SGTB: variants seen among roughly 807,000 people sequenced by gnomAD.
SGTB encodes small glutamine rich tetratricopeptide repeat co-chaperone beta, also known as small glutamine-rich tetratricopeptide repeat-containing protein beta.
Under a neutral mutation model 43.9 loss-of-function variants are expected in SGTB, and 19 were observed. The ratio of observed to expected loss-of-function variants is 0.43; its 90% CI spans 0.30 to 0.63. The LOEUF is 0.63. Ranked by LOEUF, SGTB falls within the 30% of genes least tolerant of loss-of-function variation. The pLI, the probability that SGTB is intolerant of heterozygous loss-of-function variation, is 0.12. For missense variants in SGTB, 304 were observed against 358.9 expected (o/e 0.85, Z 1.24); for synonymous variants, 116 against 117.3 (o/e 0.99, Z 0.07).
Position 65,668,740 on chromosome 5 carries a change from A to G in SGTB, c.*1506T>C, listed in dbSNP as rs1757092799. 1 of 105,092 alleles carries G rather than the reference A, an allele frequency of 9.5e-6. No homozygotes were observed. The highest frequency in any genetic ancestry group is 3.7e-5 in the African/African-American group (1 of 27,190). The allele number at this position is 105,092 out of a possible 1,614,324, so 6.5% of individuals were successfully genotyped here. On this transcript the variant is annotated 3_prime_UTR_variant, in exon 11 of 11. Transcript: ENST00000381007. ...TGGCGACAGAGAGAGACTCCATCTC[A>G]AGAAAAAAAAAAAAAAAATTAGCTG... is the stretch of plus-strand genomic sequence containing the variant.
Position 65,670,200 on chromosome 5 carries a change from C to A in SGTB, c.*46G>T, listed in dbSNP as rs1252744264. On this transcript the variant is annotated 3_prime_UTR_variant, in exon 11 of 11. Transcript: ENST00000381007. ...TACTATCTACAACAAATACTTCATT[C>A]ATAGCCATAAACCATTTGTATCTTG... 12 of 1,548,234 alleles carry A rather than the reference C, an allele frequency of 7.8e-6. No individual in the cohort carries two copies. Among genetic ancestry groups the A allele is most frequent in the Non-Finnish European group, 9.8e-6 (11 of 1,122,370 alleles).
chr5:65,722,685 G>T (rs1464855562), upstream of SGTB: 7 of 489,884 alleles, frequency 1.4e-5, no homozygotes, highest in Non-Finnish European at 2.2e-5. Flanking sequence ...TCACAGACGC[G>T]GCCCAAAATG....
Position 65,691,792 on chromosome 5 carries a change from G to A in SGTB, c.375-6320C>T, listed in dbSNP as rs192567188. On this transcript the variant is annotated intron_variant, in intron 5 of 10. Transcript: ENST00000381007. ...AAAATACAAAAAAAATTAGCCGGGCGTGGTGGCGGGCGCCTGTAGTCCCAG... is the reference window on the plus strand; with the variant it reads ...AAAATACAAAAAAAATTAGCCGGGCATGGTGGCGGGCGCCTGTAGTCCCAG... Among the ~76,000 whole-genome samples, 334 of 151,636 alleles carry A rather than the reference G, an allele frequency of 2.2e-3. 3 individuals carry two copies. The highest frequency in any genetic ancestry group is 7.9e-3 in the African/African-American group (329 of 41,480).
intron 6 of SGTB, among the ~76,000 whole-genome samples, chr5:65,682,935 G>A (rs1269111032): frequency 1.3e-5 from 2 of 152,042 alleles, no homozygotes; most frequent in Non-Finnish European, 2.9e-5. Context: ...TCCTGCAACT[G>A]TTGTAAATAG....
Position 65,685,398 on chromosome 5 carries a change from G to C in SGTB, c.449C>G (p.Ser150Ter). ...KDCEKAIAID[S>*]KYSKAYGRMG... Reference sequence around the variant, plus strand: ...TCTCCCATAGGCCTTGCTGTACTTTGAATCAATTGCTATTGCTTTTTCACA... The same window carrying C: ...TCTCCCATAGGCCTTGCTGTACTTTCAATCAATTGCTATTGCTTTTTCACA... The change falls in exon 6 of 11, where the codon TCA becomes TGA. Residue 150 changes from serine (S) to a stop codon, truncating the protein, a stop_gained. Transcript: ENST00000381007. LOFTEE classifies it high-confidence loss of function. 6.2e-7 allele frequency: 1 copy of C among 1,614,140 alleles called. No individual in the cohort carries two copies. The highest frequency in any genetic ancestry group is 8.5e-7 in the Non-Finnish European group (1 of 1,180,010).
At chr5:65,691,008 T>A (rs1757596270) in intron 5 of SGTB, among the ~76,000 whole-genome samples, 1 of 152,160 alleles carries the variant, frequency 6.6e-6, no homozygotes, top group African/African-American at 2.4e-5. Context: ...AGTGGTGTAA[T>A]ATTGGCTTAT....
intron 2 of SGTB, among the ~76,000 whole-genome samples, 186 bp downstream of exon 2, chr5:65,720,522 G>C (rs1204271092): frequency 6.6e-6 from 1 of 152,114 alleles, no homozygotes; most frequent in Non-Finnish European, 1.5e-5. Context: ...CTCTTAATTT[G>C]TTGTTAAAAC....
At chr5:65,684,353 G>T (rs1210164498) in intron 6 of SGTB, among the ~76,000 whole-genome samples, 1 of 152,022 alleles carries the variant, frequency 6.6e-6, no homozygotes, top group Non-Finnish European at 1.5e-5. Context: ...CAAAATGCTG[G>T]GATTACAGGT....
intron 10 of SGTB, 76 bp from the exon 11 acceptor site, chr5:65,670,433 A>G: frequency 8.2e-7 from 1 of 1,225,402 alleles, no homozygotes; most frequent in Non-Finnish European, 1.2e-6. Flanking sequence ...AATGCAGAAA[A>G]TGTAGGAGCT....
At chr5:65,706,719 C>T (rs1441229213) in intron 4 of SGTB, among the ~76,000 whole-genome samples, 1 of 151,964 alleles carries the variant, frequency 6.6e-6, no homozygotes, top group Non-Finnish European at 1.5e-5. Flanking sequence ...GTAGTCCCAG[C>T]TACTCGGGAG....
intron 5 of SGTB, among the ~76,000 whole-genome samples, chr5:65,703,819 C>T (rs945736721): frequency 1.1e-4 from 16 of 152,140 alleles, no homozygotes; most frequent in African/African-American, 3.6e-4. Flanking sequence ...AGGCAGATCA[C>T]GAGGTCAGGG....
chr5:65,720,561 T>C, intron 2 of SGTB, 147 bp downstream of exon 2: 2 of 806,350 alleles, frequency 2.5e-6, no homozygotes, highest in East Asian at 2.9e-5. Flanking sequence ...AAAATGGAAA[T>C]ACGATAACCT....
intron 2 of SGTB, among the ~76,000 whole-genome samples, chr5:65,719,798 C>T (rs776311777): frequency 6.6e-6 from 1 of 152,098 alleles, no homozygotes; most frequent in Admixed American, 6.6e-5. Flanking sequence ...TACAGATTAC[C>T]GAATCCAATA....
intron 8 of SGTB, among the ~76,000 whole-genome samples, chr5:65,674,649 G>A (rs1276513938): frequency 6.6e-6 from 1 of 152,070 alleles, no homozygotes; most frequent in Non-Finnish European, 1.5e-5. Context: ...TTTTTTATGA[G>A]TCACAAAACA....
chr5:65,692,774 T>C (rs1432260259), intron 5 of SGTB, among the ~76,000 whole-genome samples: 1 of 152,220 alleles, frequency 6.6e-6, no homozygotes, highest in East Asian at 1.9e-4. Flanking sequence ...TTTTCTTACA[T>C]GTAAATGGTA....
intron 3 of SGTB, among the ~76,000 whole-genome samples, chr5:65,709,638 A>G (rs1758007496): frequency 6.6e-6 from 1 of 152,244 alleles, no homozygotes; most frequent in South Asian, 2.1e-4. Context: ...CGGCCTCCCA[A>G]AGTGCTGGGA....
intron 2 of SGTB, among the ~76,000 whole-genome samples, chr5:65,719,360 C>A (rs376789881): frequency 2.6e-4 from 39 of 152,142 alleles, no homozygotes; most frequent in African/African-American, 8.9e-4. Context: ...GAGGCCAAGG[C>A]GAGTGGATCA....
intron 5 of SGTB, among the ~76,000 whole-genome samples, chr5:65,703,473 A>C (rs2150718062): frequency 1.3e-5 from 2 of 152,322 alleles, no homozygotes; most frequent in South Asian, 4.1e-4. Flanking sequence ...TGGGAGGCCA[A>C]GGCAGGTGGA....
chr5:65,722,431 G>C, upstream of SGTB: 1 of 1,578,476 alleles, frequency 6.3e-7, no homozygotes, highest in Non-Finnish European at 8.6e-7. Flanking sequence ...CCAGCGCGCG[G>C]GTTAACCTTG....
Sources: allele counts gnomAD v4.1 joint callset (sites outside exome capture counted in the v4.1 genomes callset), GRCh38; gene constraint gnomAD v4.1.1; transcripts MANE v1.5; gene names NCBI Gene and HGNC (gene_info 2026-07-23, HGNC 2026-07-21).